TGFBR2: variants seen among roughly 807,000 people sequenced by gnomAD.
TGFBR2 encodes transforming growth factor beta receptor 2, also known as TGF-beta receptor type-2.
A neutral mutation model predicts 49.0 loss-of-function variants in TGFBR2; 18 were observed. The observed-to-expected ratio is 0.37, with a 90% CI of 0.25 to 0.54. TGFBR2 has a LOEUF of 0.54. Among genes scored for constraint, TGFBR2 ranks in the 20% least tolerant of loss-of-function variants. TGFBR2 has a pLI of 0.85. For missense variants in TGFBR2, 525 were observed against 722.6 expected, an observed-to-expected ratio of 0.73 and a Z score of 3.13; for synonymous variants, 282 against 275.9, an observed-to-expected ratio of 1.02 and a Z score of -0.22.
intron 1 of TGFBR2, among the ~76,000 whole-genome samples, chr3:30,636,083 A>G (rs1698523029): frequency 6.6e-6 from 1 of 151,910 alleles, no homozygotes; most frequent in South Asian, 2.1e-4. Flanking sequence ...TTGTGTGGAG[A>G]GTATCCCAGA....
chr3:30,613,632 G>A (rs977579926), intron 1 of TGFBR2, among the ~76,000 whole-genome samples: 2 of 152,130 alleles, frequency 1.3e-5, no homozygotes, highest in Non-Finnish European at 2.9e-5. Context: ...GCAGGCAGGG[G>A]GGAGGAAGGC....
At chr3:30,670,009 G>C (rs1449839325) in intron 3 of TGFBR2, among the ~76,000 whole-genome samples, 1 of 151,808 alleles carries the variant, frequency 6.6e-6, no homozygotes, top group Non-Finnish European at 1.5e-5. Flanking sequence ...ACCTACTGTA[G>C]GTGAAAACTG....
At chr3:30,657,697 T>A (rs1033204278) in intron 3 of TGFBR2, among the ~76,000 whole-genome samples, 1 of 152,228 alleles carries the variant, frequency 6.6e-6, no homozygotes, top group Non-Finnish European at 1.5e-5. Context: ...TTTCTTATCT[T>A]TGCCTTTAGC....
At chr3:30,645,211 C>G (rs771464643) in intron 2 of TGFBR2, among the ~76,000 whole-genome samples, 5 of 151,992 alleles carry the variant, frequency 3.3e-5, no homozygotes, top group Non-Finnish European at 7.4e-5. Context: ...TTTCTTGTAT[C>G]AAGAAGAGGG....
At chr3:30,666,776 G>T (rs910779088) in intron 3 of TGFBR2, among the ~76,000 whole-genome samples, 1 of 150,524 alleles carries the variant, frequency 6.6e-6, no homozygotes, top group Non-Finnish European at 1.5e-5. Flanking sequence ...TAATAGCTGG[G>T]ACTACAGGAA....
intron 3 of TGFBR2, among the ~76,000 whole-genome samples, chr3:30,661,827 A>G (rs1224052777): frequency 6.6e-6 from 1 of 152,240 alleles, no homozygotes; most frequent in Non-Finnish European, 1.5e-5. Context: ...CATGATGAAG[A>G]ATCTTAAATA....
intron 5 of TGFBR2, among the ~76,000 whole-genome samples, chr3:30,684,175 G>A (rs1699582971): frequency 6.6e-6 from 1 of 152,044 alleles, no homozygotes; most frequent in African/African-American, 2.4e-5. Flanking sequence ...CCTGATCGCT[G>A]CAATTGAATA....
intron 1 of TGFBR2, among the ~76,000 whole-genome samples, chr3:30,632,355 C>T (rs561290724): frequency 1.2e-4 from 19 of 152,190 alleles, no homozygotes; most frequent in South Asian, 4.1e-4. Flanking sequence ...ACTGGATTCT[C>T]AAGTTACTGC....
intron 3 of TGFBR2, among the ~76,000 whole-genome samples, chr3:30,651,817 C>T (rs1013018147): frequency 3.9e-5 from 6 of 152,222 alleles, no homozygotes; most frequent in African/African-American, 1.4e-4. Context: ...TTTCCGTGTA[C>T]CTTCTCCAAC....
At chr3:30,690,458 G>A (rs1226045315) in intron 6 of TGFBR2, among the ~76,000 whole-genome samples, 1 of 152,194 alleles carries the variant, frequency 6.6e-6, no homozygotes, top group Non-Finnish European at 1.5e-5. Context: ...ATAGGCAGCT[G>A]TTTCACAGGG....
At chr3:30,625,603 C>T (rs1698318767) in intron 1 of TGFBR2, among the ~76,000 whole-genome samples, 1 of 152,094 alleles carries the variant, frequency 6.6e-6, no homozygotes. Flanking sequence ...ATTGTAAAAT[C>T]CACACTTAAA....
chr3:30,693,664 C>T lies in TGFBR2; in HGVS notation c.*2065C>T, dbSNP rs11466536. Reference sequence around the variant, plus strand: ...AGGCGCCTAGAAATTCCACTTGCACCGTAGGGCATGCTGATACCATCCCAA... The same window carrying T: ...AGGCGCCTAGAAATTCCACTTGCACTGTAGGGCATGCTGATACCATCCCAA... On this transcript the variant is annotated 3_prime_UTR_variant, in exon 7 of 7. Coordinates refer to ENST00000295754, the MANE Select transcript of TGFBR2 (RefSeq NM_003242.6). The T allele has an allele frequency of 0.046, 10,766 of 233,430 alleles. 304 individuals are homozygous for T. The highest frequency in any genetic ancestry group is 0.068 in the Non-Finnish European group (8,014 of 117,882). 14.5% of individuals were successfully genotyped at this position (233,430 alleles called of 1,614,324 possible).
Position 30,629,644 on chromosome 3 carries a change from T to A in TGFBR2, c.95-15103T>A, listed in dbSNP as rs570768052. Among the ~76,000 whole-genome samples the A allele has an allele frequency of 2.8e-4, 42 of 152,316 alleles. 1 individual carries two copies. The South Asian group carries it at 8.5e-3, about 31-fold the overall frequency. ...GGTATGAAACTTGGCTTTGGAGGAC[T>A]TAGGGATAGGAAAGCCATCACCAAG... On this transcript the variant is annotated intron_variant, in intron 1 of 6. Transcript: ENST00000295754.
chr3:30,614,944 T>C (rs1008380560), intron 1 of TGFBR2, among the ~76,000 whole-genome samples: 4 of 152,220 alleles, frequency 2.6e-5, no homozygotes, highest in Non-Finnish European at 5.9e-5. Context: ...TCCAACATTT[T>C]TCTAGTGTTT....
chr3:30,660,433 T>C (rs1699099566), intron 3 of TGFBR2, among the ~76,000 whole-genome samples: 1 of 152,234 alleles, frequency 6.6e-6, no homozygotes, highest in Admixed American at 6.5e-5. Flanking sequence ...AATTATTTTT[T>C]AATTCTTCAA....
Position 30,606,716 on chromosome 3 carries a change from A to T in TGFBR2, c.-168A>T. On this transcript the variant is annotated 5_prime_UTR_variant, in exon 1 of 7. Coordinates refer to ENST00000295754, the MANE Select transcript of TGFBR2 (RefSeq NM_003242.6). The stretch of plus-strand genomic sequence containing the variant: ...GCCTCCCCGCGCCTCGCCGGCCTCC[A>T]GGCCCCCTCCTGGCTGGCGAGCGGG... The T allele has an allele frequency of 2.3e-6, 1 of 431,902 alleles. No homozygotes were observed. The highest frequency in any genetic ancestry group is 3.9e-6 in the Non-Finnish European group (1 of 257,386). The allele number at this position is 431,902 out of a possible 1,614,324, so 26.8% of individuals were successfully genotyped here. A position where few individuals can be genotyped will look rare whatever the true frequency, so the allele number is the denominator to read the frequency against.
At chr3:30,652,620 C>T (rs1353463132) in intron 3 of TGFBR2, among the ~76,000 whole-genome samples, 1 of 152,122 alleles carries the variant, frequency 6.6e-6, no homozygotes, top group Non-Finnish European at 1.5e-5. Context: ...TTCTGACTTA[C>T]CAGGTCAGCT....
At chr3:30,617,991 G>A (rs1280093570) in intron 1 of TGFBR2, among the ~76,000 whole-genome samples, 2 of 152,180 alleles carry the variant, frequency 1.3e-5, no homozygotes, top group Non-Finnish European at 2.9e-5. Flanking sequence ...TGTCAATAAA[G>A]AAGAGGAGAA....
chr3:30,632,390 A>G lies in TGFBR2; in HGVS notation c.95-12357A>G, dbSNP rs534433816. On this transcript the variant is annotated intron_variant, in intron 1 of 6. Coordinates refer to ENST00000295754, the MANE Select transcript of TGFBR2 (RefSeq NM_003242.6). Reference sequence around the variant, plus strand: ...CCTGTTTGCCAGACCTATGCTGGTTATGAACAATATTTCAAAACCAGATTA... The same window carrying G: ...CCTGTTTGCCAGACCTATGCTGGTTGTGAACAATATTTCAAAACCAGATTA... Among the ~76,000 whole-genome samples, 3 of 152,356 alleles carry G rather than the reference A, an allele frequency of 2.0e-5. No homozygotes were observed. In the South Asian group the frequency reaches 6.2e-4, roughly 32 times the overall value.
Sources: gnomAD v4.1 joint callset for allele counts (sites outside exome capture counted in the v4.1 genomes callset) on GRCh38, gnomAD v4.1.1 for gene constraint, MANE v1.5 for transcripts, NCBI Gene and HGNC (gene_info 2026-07-23, HGNC 2026-07-21) for gene names.